Variants in COL4A5 observed in about 807,000 individuals in gnomAD.
COL4A5 encodes the protein collagen type IV alpha 5 chain.
Under a neutral mutation model 130.2 loss-of-function variants are expected in COL4A5, and 26 were observed. That is an observed-to-expected ratio of 0.20 (90% CI 0.15 to 0.28). COL4A5 has a LOEUF of 0.28. Among genes scored for constraint, COL4A5 ranks in the 10% least tolerant of loss-of-function variants. The pLI is 1.00. For missense variants in COL4A5, 1,131 were observed against 1,344.3 expected (o/e 0.84, Z 2.48); for synonymous variants, 496 against 439.6 (o/e 1.13, Z -1.60).
intron 47 of COL4A5, among the ~76,000 whole-genome samples, chrX:108,683,936 G>A (rs1002281559): frequency 5.4e-5 from 6 of 111,454 alleles, no homozygotes; most frequent in African/African-American, 2.0e-4. Context: ...ATGTTGAATA[G>A]GAGTGAACTC....
intron 1 of COL4A5, among the ~76,000 whole-genome samples, chrX:108,521,673 G>A (rs1027060662): frequency 1.8e-5 from 2 of 111,051 alleles, no homozygotes; most frequent in African/African-American, 6.6e-5. Context: ...GTCTTGTAGC[G>A]TTTGCTGGTG....
At chrX:108,537,831 A>G (rs980993804) in intron 1 of COL4A5, among the ~76,000 whole-genome samples, 1 of 111,978 alleles carries the variant, frequency 8.9e-6, no homozygotes, top group African/African-American at 3.2e-5. Context: ...AGTGTTGACA[A>G]TATGCACAAT....
chrX:108,678,128 A>G (rs2068344806), intron 44 of COL4A5, among the ~76,000 whole-genome samples: 1 of 109,592 alleles, frequency 9.1e-6, no homozygotes, highest in African/African-American at 3.4e-5. Flanking sequence ...ATATCCACTC[A>G]TGTGCTTTCT....
chrX:108,597,080 G>T lies in COL4A5; in HGVS notation c.1587+12G>T. 1 of 1,175,013 alleles carries T rather than the reference G, an allele frequency of 8.5e-7. No homozygotes were observed. ...CCAAAGGATTACCAGTAAGTTTTGAGTATATTATAAAACAAAAAGAAGTAG... is the reference window on the plus strand; with the variant it reads ...CCAAAGGATTACCAGTAAGTTTTGATTATATTATAAAACAAAAAGAAGTAG... On this transcript the variant is annotated intron_variant, in intron 23 of 52. Transcript: ENST00000328300.
At chrX:108,620,449 T>C in intron 31 of COL4A5, 23 bp downstream of exon 31, 1 of 1,167,114 alleles carries the variant, frequency 8.6e-7, no homozygotes. Context: ...AAGTTTTCTC[T>C]GATTTGGATT....
chrX:108,577,389 A>T (rs1295233999), intron 10 of COL4A5, among the ~76,000 whole-genome samples: 4 of 106,520 alleles, frequency 3.8e-5, no homozygotes, highest in African/African-American at 1.4e-4. Flanking sequence ...AAAAAAAAAA[A>T]AAAGAAAGAA....
intron 3 of COL4A5, among the ~76,000 whole-genome samples, chrX:108,562,925 C>T (rs978929499): frequency 4.4e-4 from 49 of 111,599 alleles, no homozygotes; most frequent in Middle Eastern, 4.7e-3. Context: ...CTGAGTTACC[C>T]ACACACACTT....
intron 21 of COL4A5, among the ~76,000 whole-genome samples, chrX:108,592,763 ATG>A (rs752586303): frequency 8.8e-5 from 9 of 102,397 alleles, no homozygotes; most frequent in Admixed American, 1.1e-4. Context: ...GTGTACATAT[ATG>A]TGTGTGTGTG....
intron 36 of COL4A5, among the ~76,000 whole-genome samples, chrX:108,638,231 G>C (rs1322478837): frequency 1.8e-5 from 2 of 111,296 alleles, no homozygotes; most frequent in Admixed American, 1.9e-4. Flanking sequence ...CCATGGTCAA[G>C]TGAGATTTTT....
chrX:108,497,307 A>G (rs1481177821), intron 1 of COL4A5, among the ~76,000 whole-genome samples: 1 of 112,195 alleles, frequency 8.9e-6, no homozygotes, highest in Non-Finnish European at 1.9e-5. Flanking sequence ...TTTGGCTATT[A>G]GAAATAATGC....
At chrX:108,625,381 G>A (rs1167477553) in intron 34 of COL4A5, among the ~76,000 whole-genome samples, 2 of 112,271 alleles carry the variant, frequency 1.8e-5, no homozygotes, top group Non-Finnish European at 3.8e-5. Context: ...ATTTATCTGT[G>A]AAAATACATT....
intron 1 of COL4A5, among the ~76,000 whole-genome samples, chrX:108,465,104 T>C (rs983805621): frequency 1.8e-5 from 2 of 112,126 alleles, no homozygotes. Context: ...GCTGTCACTA[T>C]GAATATTTGT....
chrX:108,550,412 A>G (rs1026824388), intron 2 of COL4A5, among the ~76,000 whole-genome samples: 1 of 112,292 alleles, frequency 8.9e-6, no homozygotes, highest in Non-Finnish European at 1.9e-5. Flanking sequence ...ATTAAAGACC[A>G]AAACAAAATT....
In COL4A5 at chrX:108,508,557, C is replaced by CAAAAAAAAAAAAAA. The variant is rs1182036182; in HGVS notation, c.82-31178_82-31165dup. 1.8e-4 allele frequency among the ~76,000 whole-genome samples: 7 copies of CAAAAAAAAAAAAAA among 38,172 alleles called. No individual in the cohort carries two copies. The East Asian group carries it at 2.3e-3, about 13-fold the overall frequency. The allele number at this position is 38,172 out of a possible 115,157, so 33.1% of individuals were successfully genotyped here. A position where few individuals can be genotyped will look rare whatever the true frequency, so the allele number is the denominator to read the frequency against. Reference sequence around the variant, plus strand: ...AACTAGTTTTAAATTCATGTAGGACCAAAAAAAAAAAAAAAAAAAAAAAAG... The same window carrying CAAAAAAAAAAAAAA: ...AACTAGTTTTAAATTCATGTAGGACCAAAAAAAAAAAAAAAAAAAAAAAAAAAAAAAAAAAAAAG... On this transcript the variant is annotated intron_variant, in intron 1 of 52. Coordinates refer to ENST00000328300, the MANE Select transcript of COL4A5 (RefSeq NM_033380.3).
At chrX:108,449,498 G>A (rs762924929) in intron 1 of COL4A5, among the ~76,000 whole-genome samples, 1 of 111,770 alleles carries the variant, frequency 8.9e-6, no homozygotes, top group Non-Finnish European at 1.9e-5. Flanking sequence ...GGACCCCTAC[G>A]GTTCCTGAAA....
intron 1 of COL4A5, among the ~76,000 whole-genome samples, chrX:108,507,527 G>A (rs1431487112): frequency 2.7e-5 from 3 of 111,552 alleles, no homozygotes; most frequent in Non-Finnish European, 3.8e-5. Context: ...TCAACATTCC[G>A]GCCGGGCATG....
intron 30 of COL4A5, among the ~76,000 whole-genome samples, chrX:108,615,713 T>C (rs149062543): frequency 2.0e-3 from 219 of 111,806 alleles, no homozygotes; most frequent in Non-Finnish European, 3.7e-3. Context: ...ATTCTCGTTA[T>C]GTTAATCTAG....
chrX:108,509,704 G>T (rs746719224), intron 1 of COL4A5, among the ~76,000 whole-genome samples: 31 of 112,032 alleles, frequency 2.8e-4, no homozygotes, highest in Non-Finnish European at 5.8e-4. Flanking sequence ...TACACTGTTG[G>T]TGGGTCTGTA....
intron 2 of COL4A5, among the ~76,000 whole-genome samples, chrX:108,551,984 C>T (rs1163919592): frequency 1.8e-5 from 2 of 111,956 alleles, no homozygotes; most frequent in Non-Finnish European, 1.9e-5. Flanking sequence ...CATGTTCTCA[C>T]TAATAAGTGG....
Sources: gnomAD v4.1 joint callset for allele counts (sites outside exome capture counted in the v4.1 genomes callset) on GRCh38, gnomAD v4.1.1 for gene constraint, MANE v1.5 for transcripts, NCBI Gene and HGNC (gene_info 2026-07-23, HGNC 2026-07-21) for gene names.